The following TOLLIP variants were observed in gnomAD, a reference collection of about 807,000 sequenced individuals.
TOLLIP encodes the protein toll-interacting protein.
TOLLIP carries 16 observed loss-of-function variants against 33.5 expected under a neutral mutation model. That is an observed-to-expected ratio of 0.48 (90% CI 0.32 to 0.72). The LOEUF (loss-of-function observed/expected upper bound fraction) is 0.72, where lower values mean the gene tolerates loss of function less well. Among genes scored for constraint, TOLLIP ranks in the 30% least tolerant of loss-of-function variants. TOLLIP has a pLI of 0.03. For synonymous variants in TOLLIP, 176 were observed against 163.7 expected, an observed-to-expected ratio of 1.07 and a Z score of -0.57; for missense variants, 325 against 396.6, an observed-to-expected ratio of 0.82 and a Z score of 1.53.
intron 4 of TOLLIP, among the ~76,000 whole-genome samples, chr11:1,286,311 T>C (rs1267715726): frequency 1.3e-5 from 2 of 152,206 alleles, no homozygotes; most frequent in African/African-American, 2.4e-5. Flanking sequence ...GGAGGTGACA[T>C]GGCTCGGGCT....
intron 1 of TOLLIP, among the ~76,000 whole-genome samples, 153 bp from the exon 2 acceptor site, chr11:1,295,947 A>C (rs983050307): frequency 2.6e-5 from 4 of 152,132 alleles, no homozygotes; most frequent in Non-Finnish European, 5.9e-5. Context: ...TCATCTCTAA[A>C]CGGAGGGGTC....
chr11:1,302,319 A>G (rs1022994895), intron 1 of TOLLIP, among the ~76,000 whole-genome samples: 1 of 152,176 alleles, frequency 6.6e-6, no homozygotes. Context: ...TGCCCAGCTG[A>G]CTGACCCCTC....
Position 1,276,688 on chromosome 11 carries a change from A to C in TOLLIP, c.*351T>G. 1.4e-6 allele frequency: 2 copies of C among 1,381,756 alleles called. No homozygotes were observed. Among genetic ancestry groups the C allele is most frequent in the Non-Finnish European group, 9.5e-7 (1 of 1,048,514 alleles). 85.6% of individuals were successfully genotyped at this position (1,381,756 alleles called of 1,614,324 possible). On this transcript the variant is annotated 3_prime_UTR_variant, in exon 6 of 6. Coordinates refer to ENST00000317204, the MANE Select transcript of TOLLIP (RefSeq NM_019009.4). ...CACATCACAAAATGCCATGAATGGA[A>C]TCGGAAGGCGCTCCACCACCTCCAA...
rs545221600 is a variant in TOLLIP at position 1,285,631 on chromosome 11, G to A, written c.610+371C>T. 1.1e-4 allele frequency among the ~76,000 whole-genome samples: 17 copies of A among 152,058 alleles called. 1 individual carries two copies. Among genetic ancestry groups the A allele is most frequent in the Non-Finnish European group, 2.2e-4 (15 of 68,006 alleles). On this transcript the variant is annotated intron_variant, in intron 5 of 5. Coordinates refer to ENST00000317204, the MANE Select transcript of TOLLIP (RefSeq NM_019009.4). ...CGTCACCCAATGGGCGTGAGGTTCG[G>A]ACACGACGGCACAGTGCAGAGCACG...
intron 2 of TOLLIP, among the ~76,000 whole-genome samples, chr11:1,293,914 G>A (rs1020773711): frequency 7.9e-5 from 12 of 152,266 alleles, no homozygotes; most frequent in Non-Finnish European, 1.8e-4. Flanking sequence ...AGTAACAGCT[G>A]CACAAGCAAG....
At chr11:1,292,466 C>T (rs878996762) in intron 2 of TOLLIP, among the ~76,000 whole-genome samples, 4 of 152,262 alleles carry the variant, frequency 2.6e-5, no homozygotes, top group Admixed American at 2.6e-4. Flanking sequence ...CTGCCTGCTT[C>T]TGCCACACTC....
intron 1 of TOLLIP, chr11:1,302,910 G>A (rs796616842): frequency 3.2e-5 from 14 of 434,322 alleles, no homozygotes; most frequent in African/African-American, 1.7e-4. Flanking sequence ...CCCCTTCCGG[G>A]GCCTTCCTCA....
intron 5 of TOLLIP, among the ~76,000 whole-genome samples, chr11:1,285,158 C>T (rs1863646934): frequency 6.6e-6 from 1 of 152,208 alleles, no homozygotes; most frequent in Non-Finnish European, 1.5e-5. Context: ...CCACCTCCCC[C>T]AACACCACCA....
At chr11:1,297,206 C>T (rs986972317) in intron 1 of TOLLIP, among the ~76,000 whole-genome samples, 6 of 152,174 alleles carry the variant, frequency 3.9e-5, no homozygotes, top group Non-Finnish European at 8.8e-5. Context: ...CCATGCACAC[C>T]AGAAACCCGT....
chr11:1,285,552 G>C (rs762769513), intron 5 of TOLLIP, among the ~76,000 whole-genome samples: 3 of 152,228 alleles, frequency 2.0e-5, no homozygotes, highest in Admixed American at 6.5e-5. Flanking sequence ...TAGAGAGCAC[G>C]CATCACCCAA....
chr11:1,281,196 A>G (rs925032690), intron 5 of TOLLIP, among the ~76,000 whole-genome samples: 1 of 152,264 alleles, frequency 6.6e-6, no homozygotes, highest in Non-Finnish European at 1.5e-5. Flanking sequence ...AAAAAAATCA[A>G]AACTTAAAAC....
chr11:1,295,565 G>A, intron 2 of TOLLIP, 80 bp downstream of exon 2: 1 of 1,424,466 alleles, frequency 7.0e-7, no homozygotes, highest in South Asian at 1.5e-5. Flanking sequence ...AGGAAATGCA[G>A]TATAAACGCC....
chr11:1,285,955 T>C (rs771437658), intron 5 of TOLLIP, 47 bp downstream of exon 5: 1 of 1,496,650 alleles, frequency 6.7e-7, no homozygotes. Context: ...CCCTAGGCCC[T>C]GGGGTTTCTA....
intron 1 of TOLLIP, among the ~76,000 whole-genome samples, chr11:1,307,621 G>A (rs1205402938): frequency 6.6e-6 from 1 of 152,230 alleles, no homozygotes; most frequent in Non-Finnish European, 1.5e-5. Context: ...ATGCCCCCCT[G>A]CTCTCCAGGA....
intron 5 of TOLLIP, among the ~76,000 whole-genome samples, chr11:1,283,861 T>A (rs1863587728): frequency 6.6e-6 from 1 of 152,314 alleles, no homozygotes; most frequent in African/African-American, 2.4e-5. Flanking sequence ...CCTCACAGCC[T>A]TGACGAGTGA....
Position 1,278,765 on chromosome 11 carries a change from A to T in TOLLIP, c.611-1512T>A, listed in dbSNP as rs1002596573. Among the ~76,000 whole-genome samples, 16 of 152,194 alleles carry T rather than the reference A, an allele frequency of 1.1e-4. No individual in the cohort carries two copies. Among genetic ancestry groups the T allele is most frequent in the Non-Finnish European group, 5.9e-5 (4 of 68,024 alleles). ...TTCGGCAATGACGGAAAACGAACCG[A>T]ACCATGGCCAGGTGGGGACGTGGCC... On this transcript the variant is annotated intron_variant, in intron 5 of 5. Coordinates refer to ENST00000317204, the MANE Select transcript of TOLLIP (RefSeq NM_019009.4). This position sits in a 1 kb window ranked among gnomAD's most constrained non-coding sequence, Gnocchi z 4.7.
At chr11:1,298,675 G>A (rs888742722) in intron 1 of TOLLIP, 4 of 152,260 alleles carry the variant, frequency 2.6e-5, no homozygotes, top group African/African-American at 7.2e-5. Flanking sequence ...AACATAAACC[G>A]TGTGGATAGA....
At chr11:1,288,561 C>A (rs1295452899) in intron 4 of TOLLIP, 63 bp downstream of exon 4, 3 of 1,532,284 alleles carry the variant, frequency 2.0e-6, no homozygotes, top group Non-Finnish European at 1.8e-6. Flanking sequence ...TGTGGGGCGG[C>A]ATAGCCCCGA....
intron 4 of TOLLIP, among the ~76,000 whole-genome samples, chr11:1,288,061 T>G (rs534302346): frequency 9.9e-5 from 15 of 152,226 alleles, no homozygotes; most frequent in African/African-American, 3.4e-4. Flanking sequence ...CCCCAGGAGC[T>G]GCAGGTGCCC....
Sources: gnomAD v4.1 joint callset for allele counts (sites outside exome capture counted in the v4.1 genomes callset) on GRCh38, gnomAD v4.1.1 for gene constraint, Gnocchi (gnomAD v3.1) non-coding constraint, MANE v1.5 for transcripts, NCBI Gene and HGNC (gene_info 2026-07-23, HGNC 2026-07-21) for gene names.